The following CNOT10 variants were observed in gnomAD, a reference collection of about 807,000 sequenced individuals.
CNOT10 encodes CCR4-NOT transcription complex, subunit 10.
CNOT10 carries 30 observed loss-of-function variants against 94.6 expected under a neutral mutation model. The observed-to-expected ratio is 0.32, with a 90% confidence interval of 0.24 to 0.43. The LOEUF is 0.43. Ranked by LOEUF, CNOT10 falls within the 20% of genes least tolerant of loss-of-function variation. The pLI is 1.00. For synonymous variants in CNOT10, 289 were observed against 301.6 expected (o/e 0.96, Z 0.43); for missense variants, 759 against 877.2 (o/e 0.87, Z 1.70).
At chr3:32,749,629 C>T (rs559102809) in intron 13 of CNOT10, among the ~76,000 whole-genome samples, 1 of 152,082 alleles carries the variant, frequency 6.6e-6, no homozygotes, top group South Asian at 2.1e-4. Context: ...ATGCTGGTCT[C>T]GAACACCCAA....
chr3:32,687,456 T>TTTTTTTTTTTTTG (rs1177227670), intron 1 of CNOT10, among the ~76,000 whole-genome samples: 10 of 96,488 alleles, frequency 1.0e-4, no homozygotes, highest in Non-Finnish European at 1.9e-4. Flanking sequence ...TTTTTTGTTT[T>TTTTTTTTTTTTTG]TTTTTTTTTT....
chr3:32,695,597 C>G (rs763515742), intron 1 of CNOT10: 1 of 1,534,252 alleles, frequency 6.5e-7, no homozygotes, highest in Non-Finnish European at 8.7e-7. Context: ...CTGCTTAGTT[C>G]AAACCTAAAG....
In CNOT10 at chr3:32,685,450, G is replaced by A; in HGVS notation, c.-11G>A. 6.5e-7 allele frequency: 1 copy of A among 1,550,288 alleles called. No individual in the cohort carries two copies. Among genetic ancestry groups the A allele is most frequent in the South Asian group, 1.2e-5 (1 of 84,046 alleles). ...CCACCTGCAGGGAAGAACCCGAGTC[G>A]AAGCGGGAAGATGGCTGCAGACAAG... On this transcript the variant is annotated 5_prime_UTR_variant, in exon 1 of 19. Coordinates refer to ENST00000328834, the MANE Select transcript of CNOT10 (RefSeq NM_015442.3).
rs1020834209 is a variant in CNOT10 at position 32,760,398 on chromosome 3, G to A, written c.1709+827G>A. On this transcript the variant is annotated intron_variant, in intron 14 of 18. Transcript: ENST00000328834. ...TGTAATCCCAGCACTTTGGGAGGCT[G>A]AGGTAGGCAGATCATTTGAGGTCGG... is the stretch of plus-strand genomic sequence containing the variant. Among the ~76,000 whole-genome samples the A allele has an allele frequency of 2.0e-5, 3 of 151,210 alleles. No individual in the cohort carries two copies. The East Asian group carries it at 5.9e-4, about 30-fold the overall frequency.
At chr3:32,728,163 A>G (rs1698769684) in intron 10 of CNOT10, among the ~76,000 whole-genome samples, 1 of 151,724 alleles carries the variant, frequency 6.6e-6, no homozygotes, top group South Asian at 2.1e-4. Flanking sequence ...CGCCCAGCTA[A>G]TTTTGTATTT....
chr3:32,712,391 G>A (rs942727554), intron 4 of CNOT10, among the ~76,000 whole-genome samples: 31 of 152,144 alleles, frequency 2.0e-4, no homozygotes, highest in African/African-American at 6.8e-4. Context: ...TGCAGATTGA[G>A]TATCCCTTAT....
rs558727708 is a variant in CNOT10, at chr3:32,693,196, A to G, written c.22+7714A>G. ...GTAGTGACCTATGTTTGATATTTAA[A>G]GTGGTTTTTTTTCTTTTTTAAATTT... On this transcript the variant is annotated intron_variant, in intron 1 of 18. Transcript: ENST00000328834. 7.2e-4 allele frequency among the ~76,000 whole-genome samples: 110 copies of G among 152,202 alleles called. 1 individual carries two copies. In the Middle Eastern group the frequency reaches 0.01, roughly 14 times the overall value.
At chr3:32,742,249 T>C (rs1401494316) in intron 13 of CNOT10, among the ~76,000 whole-genome samples, 1 of 152,128 alleles carries the variant, frequency 6.6e-6, no homozygotes, top group Admixed American at 6.6e-5. Flanking sequence ...TGGCCTGTTA[T>C]AGGCACTTTT....
At chr3:32,715,591 A>G (rs1157133006) in intron 5 of CNOT10, among the ~76,000 whole-genome samples, 2 of 151,802 alleles carry the variant, frequency 1.3e-5, no homozygotes, top group African/African-American at 4.8e-5. Context: ...TGGGTTTTAG[A>G]AAGATATTCT....
At chr3:32,690,997 CTTT>C (rs35755920) in intron 1 of CNOT10, among the ~76,000 whole-genome samples, 2 of 128,886 alleles carry the variant, frequency 1.6e-5, no homozygotes. Context: ...CTAGCTATGA[CTTT>C]TTTTTTTTTT....
At chr3:32,734,325 G>A (rs893882165) in intron 11 of CNOT10, among the ~76,000 whole-genome samples, 1 of 152,154 alleles carries the variant, frequency 6.6e-6, no homozygotes, top group African/African-American at 2.4e-5. Context: ...TGTATAAAAT[G>A]TCAATGAAAT....
At chr3:32,700,540 CAG>C (rs763620263) in intron 1 of CNOT10, among the ~76,000 whole-genome samples, 38 of 152,312 alleles carry the variant, frequency 2.5e-4, no homozygotes, top group Non-Finnish European at 4.6e-4. Context: ...TGCTACATAT[CAG>C]GGGTTTACTC....
At chr3:32,723,800 A>G (rs2125556916) in intron 8 of CNOT10, among the ~76,000 whole-genome samples, 1 of 152,266 alleles carries the variant, frequency 6.6e-6, no homozygotes, top group East Asian at 1.9e-4. Flanking sequence ...GCAATAGATC[A>G]GCCAGGAACG....
chr3:32,687,456 T>TG (rs1559471748), intron 1 of CNOT10, among the ~76,000 whole-genome samples: 2 of 96,496 alleles, frequency 2.1e-5, no homozygotes, highest in African/African-American at 7.4e-5. Flanking sequence ...TTTTTTGTTT[T>TG]TTTTTTTTTT....
intron 3 of CNOT10, 48 bp downstream of exon 3, chr3:32,705,020 A>C: frequency 8.0e-7 from 1 of 1,246,514 alleles, no homozygotes; most frequent in Non-Finnish European, 1.1e-6. Flanking sequence ...TCTGTTCTTT[A>C]ATTTATGAAA....
intron 14 of CNOT10, among the ~76,000 whole-genome samples, chr3:32,761,395 C>G (rs1700436499): frequency 6.6e-6 from 1 of 152,062 alleles, no homozygotes; most frequent in African/African-American, 2.4e-5. Context: ...GAGAACTGGA[C>G]TTTGTGTGTT....
chr3:32,695,803 T>C (rs1454464651), intron 1 of CNOT10: 2 of 1,535,750 alleles, frequency 1.3e-6, no homozygotes, highest in African/African-American at 2.7e-5. Context: ...AGAAATGCTG[T>C]GGGATTATGT....
At chr3:32,772,311 T>C (rs1700942636) in intron 18 of CNOT10, among the ~76,000 whole-genome samples, 1 of 151,388 alleles carries the variant, frequency 6.6e-6, no homozygotes, top group Admixed American at 6.6e-5. Flanking sequence ...ATCGTGCCAC[T>C]GCACTCCAGT....
In CNOT10 at chr3:32,736,160, A is replaced by G. The variant is rs180884182; in HGVS notation, c.1514+1184A>G. Among the ~76,000 whole-genome samples, 23 of 152,052 alleles carry G rather than the reference A, an allele frequency of 1.5e-4. No individual in the cohort carries two copies. In the East Asian group the frequency reaches 4.1e-3, roughly 27 times the overall value. On this transcript the variant is annotated intron_variant, in intron 12 of 18. Coordinates refer to ENST00000328834, the MANE Select transcript of CNOT10 (RefSeq NM_015442.3). ...GAAAGCAGTGGCACGATCTCAACTC[A>G]CTGCAACCTCCACCTCACAGGCTCA...
Sources: gnomAD v4.1 joint callset for allele counts (sites outside exome capture counted in the v4.1 genomes callset) on GRCh38, gnomAD v4.1.1 for gene constraint, MANE v1.5 for transcripts, NCBI Gene and HGNC (gene_info 2026-07-23, HGNC 2026-07-21) for gene names.